The following NCS1 variants were observed in gnomAD, a reference collection of about 807,000 sequenced individuals.
NCS1 encodes frequenin homolog.
NCS1 carries 6 observed loss-of-function variants against 28.4 expected under a neutral mutation model. The ratio of observed to expected loss-of-function variants is 0.21; its 90% CI spans 0.12 to 0.42. The LOEUF is 0.42. Ranked by LOEUF, NCS1 falls within the 10% of genes least tolerant of loss-of-function variation. The probability of loss-of-function intolerance (pLI) is 1.00; values close to 1 mark genes in which losing one functional copy is unlikely to be tolerated. For synonymous variants in NCS1, 86 were observed against 99.3 expected, an observed-to-expected ratio of 0.87 and a Z score of 0.79; for missense variants, 131 against 241.4, an observed-to-expected ratio of 0.54 and a Z score of 3.03.
intron 7 of NCS1, among the ~76,000 whole-genome samples, chr9:130,231,323 G>T (rs28866874): frequency 6.6e-6 from 1 of 151,508 alleles, no homozygotes; most frequent in Non-Finnish European, 1.5e-5. Flanking sequence ...CCGCACTCCA[G>T]CCTGGGTGAT....
In NCS1 at chr9:130,192,550, T is replaced by TGAC. The variant is rs1832828449; in HGVS notation, c.65-8407_65-8405dup. 2.0e-5 allele frequency among the ~76,000 whole-genome samples: 3 copies of TGAC among 152,178 alleles called. No individual in the cohort carries two copies. The South Asian group carries it at 6.2e-4, about 32-fold the overall frequency. The stretch of plus-strand genomic sequence containing the variant: ...TGGGGGGCCTGGAGGTCTCAGGAGT[T>TGAC]GACCTCTTTCGTGGGACAGAGAGGG... On this transcript the variant is annotated intron_variant, in intron 1 of 7. Coordinates refer to ENST00000372398, the MANE Select transcript of NCS1 (RefSeq NM_014286.4). This position sits in a 1 kb window ranked among gnomAD's most constrained non-coding sequence, Gnocchi z 4.8.
At chr9:130,182,753 G>A (rs143393615) in intron 1 of NCS1, among the ~76,000 whole-genome samples, 12 of 152,346 alleles carry the variant, frequency 7.9e-5, no homozygotes, top group Admixed American at 5.9e-4. Flanking sequence ...GCCATCTTAC[G>A]GTGCTGGCAC....
At chr9:130,189,569 C>T (rs782153462) in intron 1 of NCS1, among the ~76,000 whole-genome samples, 5 of 152,048 alleles carry the variant, frequency 3.3e-5, no homozygotes, top group African/African-American at 1.2e-4. Context: ...TGGCCAGCCA[C>T]GGTGGCTCAC....
intron 2 of NCS1, among the ~76,000 whole-genome samples, chr9:130,210,049 A>T (rs1833090948): frequency 6.6e-6 from 1 of 151,884 alleles, no homozygotes; most frequent in Non-Finnish European, 1.5e-5. Flanking sequence ...CTGGGTGGGG[A>T]GGGGCAGTGA....
intron 1 of NCS1, among the ~76,000 whole-genome samples, chr9:130,176,094 T>G (rs754102049): frequency 1.4e-4 from 22 of 152,090 alleles, no homozygotes; most frequent in Non-Finnish European, 2.8e-4. Context: ...GTGGGGTATG[T>G]GGTCAGTAAA....
rs1395511435 is a variant in NCS1, at chr9:130,233,715, G to A, written c.*743G>A. The A allele has an allele frequency of 2.6e-5, 4 of 152,538 alleles. No individual in the cohort carries two copies. The highest frequency in any genetic ancestry group is 1.9e-4 in the East Asian group (1 of 5,174). The allele number at this position is 152,538 out of a possible 1,614,324, so 9.4% of individuals were successfully genotyped here. A position where few individuals can be genotyped will look rare whatever the true frequency, so the allele number is the denominator to read the frequency against. On this transcript the variant is annotated 3_prime_UTR_variant, in exon 8 of 8. Coordinates refer to ENST00000372398, the MANE Select transcript of NCS1 (RefSeq NM_014286.4). This position sits in a 1 kb window ranked among gnomAD's most constrained non-coding sequence, Gnocchi z 4.8. ...CAGCTCCCAGGGCTGCGGGCCCACC[G>A]TTTACATGTGCACGCCCTGACCCAC...
intron 1 of NCS1, among the ~76,000 whole-genome samples, chr9:130,187,651 C>T (rs782389094): frequency 8.5e-5 from 13 of 152,212 alleles, no homozygotes; most frequent in Non-Finnish European, 1.8e-4. Flanking sequence ...ATGCTGGTTC[C>T]ACCCCTGGTG....
intron 4 of NCS1, among the ~76,000 whole-genome samples, chr9:130,220,738 T>G (rs1833270772): frequency 6.6e-6 from 1 of 151,470 alleles, no homozygotes; most frequent in Non-Finnish European, 1.5e-5. Flanking sequence ...AGTTTCTTTT[T>G]CTTTTTCTTT....
At position 130,215,961 on chromosome 9, in the gene NCS1, C is replaced by T. The variant is rs1387687038; in HGVS notation, c.90-1871C>T. ...CCCCCATCCTCCTCCTCCCCTCAAC[C>T]GCCCTCACTCCGGCAGCAGCAGCCA... On this transcript the variant is annotated intron_variant, in intron 2 of 7. Coordinates refer to ENST00000372398, the MANE Select transcript of NCS1 (RefSeq NM_014286.4). The surrounding 1 kb of genome is among the most constrained non-coding windows in gnomAD (Gnocchi z 4.2). Among the ~76,000 whole-genome samples the T allele has an allele frequency of 6.6e-6, 1 of 152,142 alleles. No individual in the cohort carries two copies. Among genetic ancestry groups the T allele is most frequent in the African/African-American group, 2.4e-5 (1 of 41,434 alleles).
chr9:130,203,304 C>T (rs947350795), intron 2 of NCS1, among the ~76,000 whole-genome samples: 4 of 151,892 alleles, frequency 2.6e-5, no homozygotes, highest in Admixed American at 6.6e-5. Flanking sequence ...TTTGTAGAGA[C>T]GGGGTTTTGC....
chr9:130,178,554 G>T (rs1832607532), intron 1 of NCS1, among the ~76,000 whole-genome samples: 1 of 152,196 alleles, frequency 6.6e-6, no homozygotes, highest in Admixed American at 6.5e-5. Flanking sequence ...GTGGTGTCCT[G>T]TCGAGTGGGC....
chr9:130,229,572 T>A (rs1399904370), intron 7 of NCS1, among the ~76,000 whole-genome samples: 1 of 152,068 alleles, frequency 6.6e-6, no homozygotes, highest in Non-Finnish European at 1.5e-5. Context: ...ATCATAGAAA[T>A]GTTTGACGTG....
chr9:130,188,620 C>T (rs781897856), intron 1 of NCS1, among the ~76,000 whole-genome samples: 1 of 151,982 alleles, frequency 6.6e-6, no homozygotes, highest in African/African-American at 2.4e-5. Flanking sequence ...GTTGGTCAGG[C>T]TGGTCTCGAA....
At position 130,219,777 on chromosome 9, in the gene NCS1, G is replaced by A. The variant is rs1554909965; in HGVS notation, c.281G>A (p.Arg94Gln). Residue 94 changes from arginine (R) to glutamine (Q), a missense_variant, in exon 4 of 8, where the codon CGG becomes CAG. Physicochemically the swap from Arg to Gln is conservative, Grantham distance 43. Transcript: ENST00000372398. The surrounding 1 kb of genome is among the most constrained non-coding windows in gnomAD (Gnocchi z 5.7). The part of the protein sequence containing the change: ...EFIQALSVTS[R>Q]GTLDEKLRWA... ...ATCCAGGCGCTGTCGGTGACCTCAC[G>A]GGGAACCCTGGATGAGAAGCTACGG... 3 of 1,614,206 alleles carry A rather than the reference G, an allele frequency of 1.9e-6. No homozygotes were observed. The highest frequency in any genetic ancestry group is 8.5e-7 in the Non-Finnish European group (1 of 1,180,034).
In NCS1 at chr9:130,226,383, T is replaced by C; in HGVS notation, c.475-6T>C. The C allele has an allele frequency of 6.2e-7, 1 of 1,613,546 alleles. No individual in the cohort carries two copies. Among genetic ancestry groups the C allele is most frequent in the Non-Finnish European group, 8.5e-7 (1 of 1,179,572 alleles). ...TGCACCCTCAGCCGCCTCTCTCTGC[T>C]CACAGAATGCCGACGGGAAGCTGAC... On this transcript the variant is annotated splice_region_variant and splice_polypyrimidine_tract_variant and intron_variant, in intron 6 of 7. Transcript: ENST00000372398. The surrounding 1 kb of genome is among the most constrained non-coding windows in gnomAD (Gnocchi z 4.8).
At chr9:130,223,244 G>C in intron 6 of NCS1, 85 bp downstream of exon 6, 2 of 1,320,804 alleles carry the variant, frequency 1.5e-6, no homozygotes. Context: ...CCTGGGCCTG[G>C]CTTTGCTGCC....
At chr9:130,201,486 G>A (rs1832946979) in intron 2 of NCS1, among the ~76,000 whole-genome samples, 1 of 152,142 alleles carries the variant, frequency 6.6e-6, no homozygotes, top group Non-Finnish European at 1.5e-5. Flanking sequence ...TGGAGCAAAT[G>A]GAAAAGCGGC....
At chr9:130,223,188 G>C in intron 6 of NCS1, 29 bp downstream of exon 6, 1 of 1,600,152 alleles carries the variant, frequency 6.2e-7, no homozygotes, top group Non-Finnish European at 8.6e-7. Context: ...GCTGGTCCTG[G>C]ACCAGGGAGG....
Position 130,172,665 on chromosome 9 carries a change from T to TG in NCS1, c.6dup (p.Lys3_?2). On this transcript the variant is annotated frameshift_variant and start_lost, in exon 1 of 8. Coordinates refer to ENST00000372398, the MANE Select transcript of NCS1 (RefSeq NM_014286.4). LOFTEE classifies it high-confidence loss of function. ...GGGCGGGGGCCGCGGCCGCCGAGGA[T>TG]GGGGAAATCCAACAGCAAGTTGAAG... is the stretch of plus-strand genomic sequence containing the variant. 1.4e-6 allele frequency: 2 copies of TG among 1,481,188 alleles called. No homozygotes were observed. The highest frequency in any genetic ancestry group is 3.0e-5 in the East Asian group (1 of 33,730). 91.8% of individuals were successfully genotyped at this position (1,481,188 alleles called of 1,614,324 possible).
Sources: allele counts gnomAD v4.1 joint callset (sites outside exome capture counted in the v4.1 genomes callset), GRCh38; gene constraint gnomAD v4.1.1; non-coding constraint Gnocchi (gnomAD v3.1); transcripts MANE v1.5; gene names NCBI Gene and HGNC (gene_info 2026-07-23, HGNC 2026-07-21).